NXPE2: variants seen among roughly 807,000 people sequenced by gnomAD.
The protein encoded by NXPE2 is NXPE family member 2.
In NXPE2, 34 loss-of-function variants were observed where a neutral mutation model predicts 34.4. The observed-to-expected ratio is 0.99, with a 90% CI of 0.75 to 1.31. NXPE2 has a LOEUF of 1.31. NXPE2 is among the 40% of genes most tolerant of loss of function. The pLI is 0.00. For synonymous variants in NXPE2, 235 were observed against 231.3 expected, an observed-to-expected ratio of 1.02 and a Z score of -0.15; for missense variants, 649 against 672.5, an observed-to-expected ratio of 0.97 and a Z score of 0.39.
chr11:114,724,892 T>G, the NXPE2 span, among the ~76,000 whole-genome samples: 1 of 7,920 alleles, frequency 1.3e-4, no homozygotes, highest in African/African-American at 1.7e-4. Flanking sequence ...CAGAAATGGT[T>G]TTTTTTTTTT....
the NXPE2 span, among the ~76,000 whole-genome samples, chr11:114,535,481 G>C: frequency 6.6e-6 from 1 of 152,178 alleles, no homozygotes; most frequent in East Asian, 1.9e-4. Flanking sequence ...AAAAGGCACA[G>C]ACTGGCAAAT....
the NXPE2 span, among the ~76,000 whole-genome samples, chr11:114,592,053 A>G: frequency 1.3e-5 from 2 of 152,228 alleles, no homozygotes; most frequent in African/African-American, 4.8e-5. Flanking sequence ...ATGTATAACA[A>G]ATCCACAGCT....
chr11:114,571,649 C>T, the NXPE2 span, among the ~76,000 whole-genome samples: 6 of 152,190 alleles, frequency 3.9e-5, no homozygotes, highest in Admixed American at 1.3e-4. Flanking sequence ...AAAAGTGTTA[C>T]GTAGCATCTT....
rs529160588 is a variant in NXPE2 at position 114,703,896 on chromosome 11, A to AT, written c.867-92dup. The AT allele has an allele frequency of 5.5e-3, 4,783 of 872,116 alleles. 38 individuals carry two copies. Among genetic ancestry groups the AT allele is most frequent in the Non-Finnish European group, 7.4e-3 (3,993 of 540,714 alleles). 54.0% of individuals were successfully genotyped at this position (872,116 alleles called of 1,614,324 possible). A position where few individuals can be genotyped will look rare whatever the true frequency, so the allele number is the denominator to read the frequency against. Reference sequence around the variant, plus strand: ...TATATCAAAATAAGGGGGGAAAGGCATTTGGAGAAGAGAGGTTTAATCCAT... The same window carrying AT: ...TATATCAAAATAAGGGGGGAAAGGCATTTTGGAGAAGAGAGGTTTAATCCAT... On this transcript the variant is annotated intron_variant, in intron 3 of 5. Coordinates refer to ENST00000389586, the MANE Select transcript of NXPE2 (RefSeq NM_182495.6).
At chr11:114,640,888 C>T in the NXPE2 span, among the ~76,000 whole-genome samples, 1 of 151,946 alleles carries the variant, frequency 6.6e-6, no homozygotes, top group Non-Finnish European at 1.5e-5. Context: ...CAAATATTTT[C>T]TCTCATTTTG....
the NXPE2 span, among the ~76,000 whole-genome samples, chr11:114,796,966 A>G: frequency 6.6e-6 from 1 of 152,360 alleles, no homozygotes; most frequent in Non-Finnish European, 1.5e-5. Context: ...AAAATTTTAA[A>G]AAGTTCAGTA....
chr11:114,698,779 G>A lies in NXPE2; in HGVS notation c.866+1G>A. ...AGGAAGAATGGAGGCTTTTCCACAG[G>A]TAAAGAGGCTTTTAAATACAATAGC... On this transcript the variant is annotated splice_donor_variant, in intron 3 of 5. Transcript: ENST00000389586. LOFTEE classifies it high-confidence loss of function. 1.3e-6 allele frequency: 2 copies of A among 1,520,938 alleles called. No individual in the cohort carries two copies. The highest frequency in any genetic ancestry group is 1.8e-6 in the Non-Finnish European group (2 of 1,136,862). The allele number at this position is 1,520,938 out of a possible 1,614,324, so 94.2% of individuals were successfully genotyped here. A position where few individuals can be genotyped will look rare whatever the true frequency, so the allele number is the denominator to read the frequency against.
chr11:114,607,055 G>T, the NXPE2 span, among the ~76,000 whole-genome samples: 1 of 151,644 alleles, frequency 6.6e-6, no homozygotes, highest in Non-Finnish European at 1.5e-5. Context: ...GTATTGCCTC[G>T]TGGGTAACCA....
chr11:114,649,375 T>C, the NXPE2 span, among the ~76,000 whole-genome samples: 1 of 152,214 alleles, frequency 6.6e-6, no homozygotes, highest in African/African-American at 2.4e-5. Flanking sequence ...ATGTGGCATA[T>C]GAACACAATG....
chr11:114,475,247 T>G, the NXPE2 span, among the ~76,000 whole-genome samples: 57 of 102,290 alleles, frequency 5.6e-4, 3 homozygotes, highest in East Asian at 9.2e-4. Context: ...TTTTTTTTTT[T>G]TTTTTTTTTT....
intron 4 of NXPE2, among the ~76,000 whole-genome samples, chr11:114,705,568 C>A (rs1951455313): frequency 6.6e-6 from 1 of 152,122 alleles, no homozygotes; most frequent in South Asian, 2.1e-4. Context: ...TCAACAGATC[C>A]CCACTCCAAG....
At chr11:114,777,290 G>T in the NXPE2 span, among the ~76,000 whole-genome samples, 1 of 152,164 alleles carries the variant, frequency 6.6e-6, no homozygotes, top group Non-Finnish European at 1.5e-5. Flanking sequence ...TATACTACAG[G>T]AATGTGAGTT....
chr11:114,609,846 A>G, the NXPE2 span, among the ~76,000 whole-genome samples: 3 of 151,590 alleles, frequency 2.0e-5, no homozygotes, highest in African/African-American at 4.8e-5. Context: ...GATGGATAAT[A>G]ACTATTGCCT....
At chr11:114,595,822 G>C in the NXPE2 span, 9 of 152,252 alleles carry the variant, frequency 5.9e-5, no homozygotes, top group African/African-American at 9.7e-5. Context: ...GGAGGGGCCT[G>C]GATCACAAAC....
the NXPE2 span, among the ~76,000 whole-genome samples, chr11:114,784,628 G>A: frequency 6.6e-6 from 1 of 152,164 alleles, no homozygotes; most frequent in Non-Finnish European, 1.5e-5. Context: ...GATTTCCACA[G>A]AAAAACCTCT....
At chr11:114,540,233 G>A in the NXPE2 span, among the ~76,000 whole-genome samples, 1,416 of 152,188 alleles carry the variant, frequency 9.3e-3, 22 homozygotes, top group African/African-American at 0.031. Context: ...CTGGGATTAC[G>A]GTGTGAGCCA....
At chr11:114,761,561 C>CTTTTTT in the NXPE2 span, among the ~76,000 whole-genome samples, 78 of 92,788 alleles carry the variant, frequency 8.4e-4, 3 homozygotes, top group African/African-American at 3.2e-3. Context: ...AGCCAAGCCT[C>CTTTTTT]TTTTTTTTTT....
chr11:114,607,432 C>T, the NXPE2 span, among the ~76,000 whole-genome samples: 4 of 151,646 alleles, frequency 2.6e-5, no homozygotes, highest in Non-Finnish European at 5.9e-5. Context: ...TGTATTTCCT[C>T]GTGGGAAACC....
chr11:114,701,860 C>T (rs1951371210), intron 3 of NXPE2, among the ~76,000 whole-genome samples: 1 of 152,120 alleles, frequency 6.6e-6, no homozygotes, highest in Admixed American at 6.5e-5. Context: ...GGATGCAAAA[C>T]CTAATATATG....
Sources: allele counts gnomAD v4.1 joint callset (sites outside exome capture counted in the v4.1 genomes callset), GRCh38; gene constraint gnomAD v4.1.1; transcripts MANE v1.5; gene names NCBI Gene and HGNC (gene_info 2026-07-23, HGNC 2026-07-21).